The following TAFA2 variants were observed in gnomAD, a reference collection of about 807,000 sequenced individuals.
TAFA2 encodes chemokine-like protein TAFA-2.
A neutral mutation model predicts 18.8 loss-of-function variants in TAFA2; 7 were observed. The ratio of observed to expected loss-of-function variants is 0.37; its 90% CI spans 0.21 to 0.70. The LOEUF (loss-of-function observed/expected upper bound fraction) is 0.70. Among genes scored for constraint, TAFA2 ranks in the 30% least tolerant of loss-of-function variants. The pLI is 0.53. For synonymous variants in TAFA2, 60 were observed against 54.2 expected, an observed-to-expected ratio of 1.11 and a Z score of -0.47; for missense variants, 122 against 158.1, an observed-to-expected ratio of 0.77 and a Z score of 1.23.
intron 1 of TAFA2, among the ~76,000 whole-genome samples, chr12:62,063,002 T>A (rs1027020078): frequency 1.3e-5 from 2 of 152,242 alleles, no homozygotes; most frequent in South Asian, 4.1e-4. Flanking sequence ...AAAGGTTCAC[T>A]GCTTTGATGG....
chr12:61,862,445 G>C (rs909397631), intron 2 of TAFA2, among the ~76,000 whole-genome samples: 1 of 152,148 alleles, frequency 6.6e-6, no homozygotes, highest in Non-Finnish European at 1.5e-5. Flanking sequence ...CTGATTTTTA[G>C]ATACCCATTT....
chr12:61,784,999 T>A (rs1207939100), intron 2 of TAFA2, among the ~76,000 whole-genome samples: 1 of 151,548 alleles, frequency 6.6e-6, no homozygotes, highest in Non-Finnish European at 1.5e-5. Flanking sequence ...TTTGAAACTA[T>A]ATAATATATT....
chr12:61,953,786 A>T lies in TAFA2; in HGVS notation c.-1-86360T>A, dbSNP rs181593456. Among the ~76,000 whole-genome samples, 699 of 152,308 alleles carry T rather than the reference A, an allele frequency of 4.6e-3. 3 individuals carry two copies. The highest frequency in any genetic ancestry group is 7.6e-3 in the Non-Finnish European group (517 of 68,030). ...GGAGAAACCCAGCACCACATGTCAC[A>T]TGTCACACTAACACAGAGAACTGAG... On this transcript the variant is annotated intron_variant, in intron 1 of 4. Transcript: ENST00000416284.
At chr12:61,716,694 C>A (rs552874265) in intron 4 of TAFA2, among the ~76,000 whole-genome samples, 75 of 152,170 alleles carry the variant, frequency 4.9e-4, no homozygotes, top group African/African-American at 1.6e-3. Context: ...AGTGAAAATG[C>A]ATTATGAACA....
chr12:62,067,280 T>TG (rs1054173653), intron 1 of TAFA2, among the ~76,000 whole-genome samples: 18 of 151,708 alleles, frequency 1.2e-4, no homozygotes, highest in African/African-American at 4.4e-4. Context: ...TTCACTTTGT[T>TG]GATTGTTTCC....
At chr12:61,848,357 A>G (rs1386725790) in intron 2 of TAFA2, among the ~76,000 whole-genome samples, 1 of 152,196 alleles carries the variant, frequency 6.6e-6, no homozygotes, top group Non-Finnish European at 1.5e-5. Flanking sequence ...AGGAATTTGT[A>G]TTTTGGAGGT....
At chr12:62,028,779 A>G (rs1195395317) in intron 1 of TAFA2, among the ~76,000 whole-genome samples, 2 of 152,142 alleles carry the variant, frequency 1.3e-5, no homozygotes, top group East Asian at 3.9e-4. Context: ...TGTGAGTAAA[A>G]TCAACTTTAT....
intron 1 of TAFA2, among the ~76,000 whole-genome samples, chr12:61,960,264 G>C (rs770345393): frequency 6.6e-6 from 1 of 151,192 alleles, no homozygotes; most frequent in Non-Finnish European, 1.5e-5. Flanking sequence ...AGAAAATATC[G>C]CTGGGTTCAG....
At chr12:61,734,093 A>G (rs1868264610) in intron 4 of TAFA2, among the ~76,000 whole-genome samples, 1 of 150,046 alleles carries the variant, frequency 6.7e-6, no homozygotes, top group African/African-American at 2.5e-5. Context: ...TTGGTGTATA[A>G]GAATGCTTGT....
intron 1 of TAFA2, among the ~76,000 whole-genome samples, chr12:62,075,892 T>C (rs1868247144): frequency 6.6e-6 from 1 of 152,228 alleles, no homozygotes; most frequent in Non-Finnish European, 1.5e-5. Flanking sequence ...AATTTTATTG[T>C]TTATAAACCT....
chr12:61,947,363 C>T (rs1386606238), intron 1 of TAFA2, among the ~76,000 whole-genome samples: 3 of 148,810 alleles, frequency 2.0e-5, no homozygotes, highest in African/African-American at 7.4e-5. Context: ...TGCTAGATGA[C>T]GAGTTAGTGG....
At chr12:62,013,263 T>C (rs1292766519) in intron 1 of TAFA2, among the ~76,000 whole-genome samples, 1 of 152,176 alleles carries the variant, frequency 6.6e-6, no homozygotes, top group African/African-American at 2.4e-5. Flanking sequence ...GTATTTACCA[T>C]AAGGGCAGCA....
chr12:62,204,529 T>C (rs148445123), intron 1 of TAFA2, among the ~76,000 whole-genome samples: 28 of 152,306 alleles, frequency 1.8e-4, no homozygotes, highest in African/African-American at 6.5e-4. Context: ...TCATTACTTT[T>C]TATTCTTTTT....
rs76841399 is a variant in TAFA2, at chr12:61,765,564, C to T, written c.107-10540G>A. Among the ~76,000 whole-genome samples the T allele has an allele frequency of 6.0e-3, 919 of 152,030 alleles. 3 individuals are homozygous for T. The highest frequency in any genetic ancestry group is 0.021 in the African/African-American group (871 of 41,488). ...CATAGGAAGTAGAAAGAGCAGAGAA[C>T]GGAAATATATAATTTGAGAAAATTG... On this transcript the variant is annotated intron_variant, in intron 2 of 4. Transcript: ENST00000416284.
chr12:61,944,378 C>G (rs1197379559), intron 1 of TAFA2, among the ~76,000 whole-genome samples: 4 of 145,596 alleles, frequency 2.7e-5, no homozygotes, highest in African/African-American at 1.0e-4. Context: ...GACACCCTAA[C>G]ATCACAATTA....
chr12:62,024,181 A>G (rs1881239735), intron 1 of TAFA2, among the ~76,000 whole-genome samples: 1 of 152,184 alleles, frequency 6.6e-6, no homozygotes, highest in African/African-American at 2.4e-5. Context: ...AAACAGCTCC[A>G]TGATCTCAGC....
intron 1 of TAFA2, among the ~76,000 whole-genome samples, chr12:61,938,230 T>TAAAAAAAAAAA (rs1157161976): frequency 4.4e-4 from 43 of 98,446 alleles, no homozygotes; most frequent in African/African-American, 1.6e-3. Context: ...ATAGATATGG[T>TAAAAAAAAAAA]AAAAAAAAAA....
chr12:61,901,259 CTTTT>C (rs1203233805), intron 1 of TAFA2, among the ~76,000 whole-genome samples: 2 of 10,898 alleles, frequency 1.8e-4, no homozygotes, highest in Admixed American at 8.4e-4. Context: ...TTCAATTTCA[CTTTT>C]TTTTTTTTTT....
chr12:62,002,814 C>T (rs913974623), intron 1 of TAFA2, among the ~76,000 whole-genome samples: 3 of 152,126 alleles, frequency 2.0e-5, no homozygotes, highest in Non-Finnish European at 4.4e-5. Flanking sequence ...TATAAATCGT[C>T]TAAAATTTAA....
Sources: gnomAD v4.1 joint callset for allele counts (sites outside exome capture counted in the v4.1 genomes callset) on GRCh38, gnomAD v4.1.1 for gene constraint, MANE v1.5 for transcripts, NCBI Gene and HGNC (gene_info 2026-07-23, HGNC 2026-07-21) for gene names.